The following RPH3A variants were observed in gnomAD, a reference collection of about 807,000 sequenced individuals.
RPH3A encodes rabphilin 3A, also known as rabphilin-3A.
Under a neutral mutation model 102.2 loss-of-function variants are expected in RPH3A, and 48 were observed. The observed-to-expected ratio is 0.47, with a 90% CI of 0.37 to 0.60. The LOEUF (loss-of-function observed/expected upper bound fraction) is 0.60, where lower values mean the gene tolerates loss of function less well. Ranked by LOEUF, RPH3A falls within the 20% of genes least tolerant of loss-of-function variation. The pLI is 0.00. For synonymous variants in RPH3A, 310 were observed against 324.3 expected (o/e 0.96, Z 0.47); for missense variants, 781 against 910.1 (o/e 0.86, Z 1.83).
intron 1 of RPH3A, among the ~76,000 whole-genome samples, chr12:112,661,081 C>T (rs1566247245): frequency 6.6e-6 from 1 of 152,094 alleles, no homozygotes; most frequent in Admixed American, 6.5e-5. Context: ...GTGCCTACCT[C>T]AGAGGGTTCG....
At chr12:112,588,889 TA>T (rs1297260121) in intron 1 of RPH3A, among the ~76,000 whole-genome samples, 3 of 152,046 alleles carry the variant, frequency 2.0e-5, no homozygotes, top group Admixed American at 6.5e-5. Context: ...AGGAACATTC[TA>T]AAGGGGCTGT....
intron 10 of RPH3A, among the ~76,000 whole-genome samples, chr12:112,872,751 T>G (rs945326641): frequency 2.0e-4 from 30 of 152,242 alleles, no homozygotes; most frequent in Admixed American, 1.8e-3. Context: ...TTAACGTCTA[T>G]ATTATTTTGT....
rs557338767 is a variant in RPH3A, at chr12:112,612,855, T to C, written c.-140+37536T>C. On this transcript the variant is annotated intron_variant, in intron 1 of 21. Transcript: ENST00000543106. ...CTTCCCAAAGTGTTGGGATTACAGG[T>C]GTGAGCCACAGCATCCAGCCTGAGT... Among the ~76,000 whole-genome samples the C allele has an allele frequency of 2.6e-4, 40 of 151,950 alleles. No homozygotes were observed. In the East Asian group the frequency reaches 7.4e-3, roughly 28 times the overall value.
intron 1 of RPH3A, among the ~76,000 whole-genome samples, chr12:112,754,453 C>A (rs2040807885): frequency 1.3e-5 from 2 of 151,968 alleles, no homozygotes; most frequent in East Asian, 1.9e-4. Flanking sequence ...AACCATGAAC[C>A]ATGAACCAAT....
intron 1 of RPH3A, among the ~76,000 whole-genome samples, chr12:112,659,903 T>A (rs940142356): frequency 2.0e-5 from 3 of 152,168 alleles, no homozygotes; most frequent in African/African-American, 7.2e-5. Flanking sequence ...CATCTTGCAC[T>A]TTTCTTGCTC....
chr12:112,875,060 T>TG (rs1436614257), intron 10 of RPH3A, 24 bp from the exon 11 acceptor site: 1 of 1,579,420 alleles, frequency 6.3e-7, no homozygotes. Context: ...ACATAATGGC[T>TG]GTTTTCTTTT....
intron 1 of RPH3A, among the ~76,000 whole-genome samples, chr12:112,718,882 CATGTGTT>C (rs1248428510): frequency 1.3e-5 from 2 of 152,186 alleles, no homozygotes; most frequent in African/African-American, 2.4e-5. Flanking sequence ...AGATCTGTGC[CATGTGTT>C]TGCTGTCCTT....
At chr12:112,673,869 G>A (rs1460953237) in intron 1 of RPH3A, among the ~76,000 whole-genome samples, 1 of 151,848 alleles carries the variant, frequency 6.6e-6, no homozygotes. Flanking sequence ...GTAACAATCT[G>A]TCTATTCTCT....
At chr12:112,875,005 G>C in intron 10 of RPH3A, 79 bp from the exon 11 acceptor site, 1 of 1,251,106 alleles carries the variant, frequency 8.0e-7, no homozygotes, top group Non-Finnish European at 1.1e-6. Flanking sequence ...CCCCACACCA[G>C]CTGAGTGGTC....
At chr12:112,619,948 GC>G (rs2039710600) in intron 1 of RPH3A, among the ~76,000 whole-genome samples, 1 of 152,158 alleles carries the variant, frequency 6.6e-6, no homozygotes, top group Non-Finnish European at 1.5e-5. Context: ...ACTGGCACAA[GC>G]TAAATAGTTC....
rs536083500 is a variant in RPH3A at position 112,799,823 on chromosome 12, T to C, written c.-19+7560T>C. Among the ~76,000 whole-genome samples, 8 of 152,330 alleles carry C rather than the reference T, an allele frequency of 5.3e-5. No homozygotes were observed. The East Asian group carries it at 1.5e-3, about 29-fold the overall frequency. Reference sequence around the variant, plus strand: ...AACTTGAGCCTGCATCAGAACCCCTTGCAGGAGTTGTTAAAACACGGAGTT... The same window carrying C: ...AACTTGAGCCTGCATCAGAACCCCTCGCAGGAGTTGTTAAAACACGGAGTT... On this transcript the variant is annotated intron_variant, in intron 2 of 21. Coordinates refer to ENST00000389385, the MANE Select transcript of RPH3A (RefSeq NM_001143854.2).
chr12:112,805,206 T>C (rs1474899215), intron 2 of RPH3A, among the ~76,000 whole-genome samples: 1 of 152,208 alleles, frequency 6.6e-6, no homozygotes, highest in Non-Finnish European at 1.5e-5. Flanking sequence ...TGGACAGCCC[T>C]AAATTTGGAA....
chr12:112,603,164 T>C (rs1262788667), intron 1 of RPH3A, among the ~76,000 whole-genome samples: 1 of 152,170 alleles, frequency 6.6e-6, no homozygotes, highest in Non-Finnish European at 1.5e-5. Context: ...AGGGAGAGCA[T>C]CTGTTGAATG....
Position 112,727,317 on chromosome 12 carries a change from A to G in RPH3A, c.-139-64826A>G, listed in dbSNP as rs1044873956. ...GAGGCAGGAGAATTGCTGGAACCTG[A>G]GAGGTGGAAGCTGCAGTGAGCTGAG... On this transcript the variant is annotated intron_variant, in intron 1 of 21. Transcript: ENST00000543106. Among the ~76,000 whole-genome samples the G allele has an allele frequency of 2.7e-5, 4 of 150,538 alleles. 1 individual carries two copies. Among genetic ancestry groups the G allele is most frequent in the Non-Finnish European group, 3.0e-5 (2 of 67,658 alleles).
chr12:112,882,597 A>G (rs962719107), intron 15 of RPH3A, among the ~76,000 whole-genome samples: 1 of 152,194 alleles, frequency 6.6e-6, no homozygotes, highest in Non-Finnish European at 1.5e-5. Context: ...ACACACGCGT[A>G]TACTTTGTCT....
chr12:112,896,841 A>ACCG lies in RPH3A; in HGVS notation c.*63_*65dup. On this transcript the variant is annotated 3_prime_UTR_variant, in exon 22 of 22. Transcript: ENST00000389385. ...CCCCCCCAGCCTGCTCTAGCTGCCC[A>ACCG]CCGCACCCTGATCTCTCTTCTCTAT... The ACCG allele has an allele frequency of 1.3e-6, 2 of 1,594,082 alleles. No individual in the cohort carries two copies. Among genetic ancestry groups the ACCG allele is most frequent in the Non-Finnish European group, 1.7e-6 (2 of 1,166,582 alleles).
At chr12:112,721,715 G>C (rs770524092) in intron 1 of RPH3A, among the ~76,000 whole-genome samples, 13 of 150,624 alleles carry the variant, frequency 8.6e-5, no homozygotes, top group Non-Finnish European at 1.5e-4. Flanking sequence ...AATCTCAGTA[G>C]TGCATACTTA....
chr12:112,712,925 C>CTTCTTCTTCTTCTTCCTCTTCT (rs1565856803), intron 1 of RPH3A, among the ~76,000 whole-genome samples: 30 of 94,562 alleles, frequency 3.2e-4, no homozygotes, highest in African/African-American at 1.3e-3. Context: ...CTTCTTCTTC[C>CTTCTTCTTCTTCTTCCTCTTCT]TCTTCTTCTT....
At chr12:112,708,702 G>A (rs1226344509) in intron 1 of RPH3A, among the ~76,000 whole-genome samples, 2 of 152,152 alleles carry the variant, frequency 1.3e-5, no homozygotes, top group African/African-American at 4.8e-5. Flanking sequence ...TGGTGGATGA[G>A]TGTCCATGTA....
Sources: gnomAD v4.1 joint callset for allele counts (sites outside exome capture counted in the v4.1 genomes callset) on GRCh38, gnomAD v4.1.1 for gene constraint, MANE v1.5 for transcripts, NCBI Gene and HGNC (gene_info 2026-07-23, HGNC 2026-07-21) for gene names.